ZNF532: variants seen among roughly 807,000 people sequenced by gnomAD.
ZNF532 encodes the protein zinc finger protein 532.
ZNF532 carries 22 observed loss-of-function variants against 89.3 expected under a neutral mutation model. The ratio of observed to expected loss-of-function variants is 0.25; its 90% CI spans 0.18 to 0.35. The LOEUF is 0.35. Ranked by LOEUF, ZNF532 falls within the 10% of genes least tolerant of loss-of-function variation. The pLI is 1.00. For missense variants in ZNF532, 1,132 were observed against 1,643.4 expected (o/e 0.69, Z 5.38); for synonymous variants, 606 against 649.6 (o/e 0.93, Z 1.02).
intron 7 of ZNF532, among the ~76,000 whole-genome samples, chr18:58,959,878 C>CA (rs905396306): frequency 4.6e-5 from 7 of 152,180 alleles, no homozygotes; most frequent in African/African-American, 1.7e-4. Context: ...AGCAGCTCAC[C>CA]AAAATGGAAG....
intron 2 of ZNF532, among the ~76,000 whole-genome samples, chr18:58,888,819 ATATATAAAT>A (rs1212220037): frequency 0.011 from 575 of 50,312 alleles, 38 homozygotes; most frequent in African/African-American, 0.062. Context: ...AAAAAATTAT[ATATATAAAT>A]TATATATATA....
chr18:58,971,772 A>C (rs576385880), intron 7 of ZNF532, among the ~76,000 whole-genome samples: 1 of 152,342 alleles, frequency 6.6e-6, no homozygotes, highest in East Asian at 1.9e-4. Flanking sequence ...GACTGCCTTC[A>C]ATAGTTTATA....
In ZNF532 at chr18:58,953,749, T is replaced by C; in HGVS notation, c.3100T>C (p.Phe1034Leu). ...GWTCWECDCLFMQRDVYISHV... is the reference protein window; with the variant it reads ...GWTCWECDCLLMQRDVYISHV... ...GACGTGTTGGGAGTGTGACTGCCTG[T>C]TCATGCAGAGAGATGTGTACATATC... The change falls in exon 7 of 10, where the codon TTC (phenylalanine) becomes CTC (leucine). Residue 1034 changes from phenylalanine (F) to leucine (L), a missense_variant. Physicochemically the swap from Phe to Leu is conservative, Grantham distance 22. This residue lies in a region of ZNF532 where 415 missense variants were observed against 604.8 expected (regional missense o/e 0.69). Transcript: ENST00000591808. 1 of 1,614,106 alleles carries C rather than the reference T, an allele frequency of 6.2e-7. No homozygotes were observed. Among genetic ancestry groups the C allele is most frequent in the Non-Finnish European group, 8.5e-7 (1 of 1,179,988 alleles).
intron 2 of ZNF532, among the ~76,000 whole-genome samples, chr18:58,886,020 C>G (rs1324840075): frequency 6.6e-6 from 1 of 152,034 alleles, no homozygotes; most frequent in East Asian, 1.9e-4. Context: ...TCTGTCATCG[C>G]AGCTGGTGTG....
intron 2 of ZNF532, among the ~76,000 whole-genome samples, chr18:58,877,630 A>G (rs1288478497): frequency 6.6e-6 from 1 of 152,214 alleles, no homozygotes; most frequent in Non-Finnish European, 1.5e-5. Context: ...AATCTGGCAC[A>G]TTGAATTGGA....
At position 58,918,789 on chromosome 18, in the gene ZNF532, G is replaced by C. The variant is rs1348850893; in HGVS notation, c.502G>C (p.Ala168Pro). The change falls in exon 3 of 10, where the codon GCT becomes CCT. Residue 168 changes from alanine (A) to proline (P), a missense_variant. Physicochemically the swap from Ala to Pro is conservative, Grantham distance 27 (BLOSUM62 -1). Coordinates refer to ENST00000591808, the MANE Select transcript of ZNF532 (RefSeq NM_001375912.1). ...CAGGTCGAATGTGTTGACGGGGTCG[G>C]CTCCCCAGCAGGACTACGATAAGCT... ...SFRSNVLTGS[A>P]PQQDYDKLKA... 6.2e-7 allele frequency: 1 copy of C among 1,614,192 alleles called. No homozygotes were observed. Among genetic ancestry groups the C allele is most frequent in the African/African-American group, 1.3e-5 (1 of 75,052 alleles).
chr18:58,907,217 G>A (rs370734131), intron 2 of ZNF532, among the ~76,000 whole-genome samples: 41 of 152,140 alleles, frequency 2.7e-4, no homozygotes, highest in Admixed American at 6.5e-4. Context: ...ACGGAGTCTC[G>A]CTCTGTTGCC....
At chr18:58,960,001 C>T (rs375389920) in intron 7 of ZNF532, among the ~76,000 whole-genome samples, 54 of 152,186 alleles carry the variant, frequency 3.5e-4, no homozygotes, top group African/African-American at 1.0e-3. Context: ...TGCAGTGGCA[C>T]GATCTTGGCT....
intron 6 of ZNF532, among the ~76,000 whole-genome samples, chr18:58,952,095 T>C (rs969635096): frequency 6.6e-6 from 1 of 152,198 alleles, no homozygotes; most frequent in Non-Finnish European, 1.5e-5. Context: ...TGGCACTGTT[T>C]AGAGAAGACC....
At chr18:58,867,216 T>C (rs1167628501) in intron 2 of ZNF532, among the ~76,000 whole-genome samples, 1 of 152,222 alleles carries the variant, frequency 6.6e-6, no homozygotes, top group Non-Finnish European at 1.5e-5. Flanking sequence ...GGCTATACAG[T>C]GCGAATATGT....
At chr18:58,945,388 T>C (rs556635932) in intron 5 of ZNF532, among the ~76,000 whole-genome samples, 35 of 152,212 alleles carry the variant, frequency 2.3e-4, no homozygotes, top group Non-Finnish European at 4.7e-4. Context: ...CCCTTCATCA[T>C]CGAGGCGAGG....
In ZNF532 at chr18:58,982,001, CAA is replaced by C. The variant is rs60019659; in HGVS notation, c.3411+403_3411+404del. Among the ~76,000 whole-genome samples the C allele has an allele frequency of 5.9e-3, 490 of 83,320 alleles. 2 individuals carry two copies. The highest frequency in any genetic ancestry group is 0.019 in the African/African-American group (444 of 23,428). The allele number at this position is 83,320 out of a possible 152,430, so 54.7% of individuals were successfully genotyped here. On this transcript the variant is annotated intron_variant, in intron 9 of 9. Coordinates refer to ENST00000591808, the MANE Select transcript of ZNF532 (RefSeq NM_001375912.1). ...CCCAGGCGACAGTGCGAGACTCTCC[CAA>C]AAAAAAAAAAAAAAAAAATCAGACC...
chr18:58,984,108 C>T lies in ZNF532; in HGVS notation c.3548C>T (p.Thr1183Ile). 1 of 1,611,928 alleles carries T rather than the reference C, an allele frequency of 6.2e-7. No individual in the cohort carries two copies. The highest frequency in any genetic ancestry group is 8.5e-7 in the Non-Finnish European group (1 of 1,179,862). Residue 1183 changes from threonine (T) to isoleucine (I), a missense_variant, in exon 10 of 10, where the codon ACC (threonine) becomes ATC (isoleucine). Physicochemically the swap from Thr to Ile is moderately conservative, Grantham distance 89. This residue lies in a region of ZNF532 where 415 missense variants were observed against 604.8 expected (regional missense o/e 0.69). Transcript: ENST00000591808. ...VHKCAVCGFT[T>I]ENLLQFHEHI... ...AAGTGTGCCGTGTGTGGCTTCACCA[C>T]CGAAAACCTGCTGCAATTCCACGAA...
chr18:58,917,535 C>G (rs1199547522), intron 2 of ZNF532, among the ~76,000 whole-genome samples: 2 of 152,158 alleles, frequency 1.3e-5, no homozygotes, highest in Non-Finnish European at 2.9e-5. Context: ...TTTTAAAGAT[C>G]CCTCAAGCAC....
At chr18:58,935,785 T>A (rs1014170994) in intron 4 of ZNF532, among the ~76,000 whole-genome samples, 2 of 152,126 alleles carry the variant, frequency 1.3e-5, no homozygotes, top group Non-Finnish European at 2.9e-5. Flanking sequence ...ATTATATGTT[T>A]ATCTTAACAT....
intron 7 of ZNF532, 187 bp downstream of exon 7, chr18:58,953,986 A>G: frequency 1.0e-6 from 1 of 985,374 alleles, no homozygotes; most frequent in Non-Finnish European, 1.2e-6. Flanking sequence ...TTCAGTCTTC[A>G]GTTTTCCTGG....
intron 2 of ZNF532, among the ~76,000 whole-genome samples, chr18:58,872,385 C>A (rs1221639791): frequency 6.6e-6 from 1 of 152,176 alleles, no homozygotes; most frequent in Non-Finnish European, 1.5e-5. Context: ...GGCTGACTCC[C>A]GGGGCTAGTA....
chr18:58,974,203 A>G (rs1414397685), intron 7 of ZNF532, among the ~76,000 whole-genome samples: 1 of 152,250 alleles, frequency 6.6e-6, no homozygotes, highest in Non-Finnish European at 1.5e-5. Flanking sequence ...GAAGGAATAT[A>G]GTGAAGTCTT....
intron 6 of ZNF532, among the ~76,000 whole-genome samples, chr18:58,951,554 A>G (rs2064156771): frequency 6.6e-6 from 1 of 151,774 alleles, no homozygotes; most frequent in African/African-American, 2.4e-5. Context: ...GAAGCAAGGC[A>G]TAGTTTTTGG....
Sources: allele counts gnomAD v4.1 joint callset (sites outside exome capture counted in the v4.1 genomes callset), GRCh38; gene constraint gnomAD v4.1.1; regional missense constraint gnomAD v4.1.1; transcripts MANE v1.5; gene names NCBI Gene and HGNC (gene_info 2026-07-23, HGNC 2026-07-21).